XRCC5: variants seen among roughly 807,000 people sequenced by gnomAD.
XRCC5 encodes DNA repair protein Ku80.
In XRCC5, 12 loss-of-function variants were observed where a neutral mutation model predicts 95.7. The observed-to-expected ratio is 0.13, with a 90% confidence interval of 0.08 to 0.20. The LOEUF (loss-of-function observed/expected upper bound fraction) is 0.20. XRCC5 is among the 10% of genes least tolerant of loss of function. The pLI is 1.00. For synonymous variants in XRCC5, 281 were observed against 290.3 expected (o/e 0.97, Z 0.33); for missense variants, 595 against 873.9 (o/e 0.68, Z 4.02).
At chr2:216,118,233 G>C (rs958430404) in intron 4 of XRCC5, among the ~76,000 whole-genome samples, 1 of 151,176 alleles carries the variant, frequency 6.6e-6, no homozygotes. Context: ...GTGCAGTGGT[G>C]CCAATATAGC....
intron 16 of XRCC5, among the ~76,000 whole-genome samples, chr2:216,163,285 T>C (rs984249673): frequency 6.6e-6 from 1 of 152,062 alleles, no homozygotes; most frequent in Non-Finnish European, 1.5e-5. Flanking sequence ...CATGTGTAAG[T>C]CACCATGCCT....
rs148569960 is a variant in XRCC5, at chr2:216,192,744, T to G, written c.2041+9T>G. ...GGAAATTGTTGTCCAGGGTAAGTTGTCATTTGCCTTTTTTTTTAAAAAGTA... is the reference window on the plus strand; with the variant it reads ...GGAAATTGTTGTCCAGGGTAAGTTGGCATTTGCCTTTTTTTTTAAAAAGTA... On this transcript the variant is annotated intron_variant, in intron 18 of 20. Coordinates refer to ENST00000392132, the MANE Select transcript of XRCC5 (RefSeq NM_021141.4). 2 of 1,546,144 alleles carry G rather than the reference T, an allele frequency of 1.3e-6. No individual in the cohort carries two copies. The highest frequency in any genetic ancestry group is 2.8e-5 in the African/African-American group (2 of 71,776).
intron 16 of XRCC5, among the ~76,000 whole-genome samples, chr2:216,173,604 C>T (rs114303520): frequency 0.023 from 3,463 of 152,294 alleles, 65 homozygotes; most frequent in Middle Eastern, 0.037. Context: ...TTAGCTAATG[C>T]TACAGTTTGA....
Position 216,127,824 on chromosome 2 carries a change from C to A in XRCC5, c.937+150C>A, listed in dbSNP as rs182096441. 3.2e-3 allele frequency: 2,660 copies of A among 841,800 alleles called. 12 individuals carry two copies. Among genetic ancestry groups the A allele is most frequent in the Non-Finnish European group, 3.3e-3 (1,959 of 593,552 alleles). The allele number at this position is 841,800 out of a possible 1,614,324, so 52.1% of individuals were successfully genotyped here. On this transcript the variant is annotated intron_variant, in intron 8 of 20. Transcript: ENST00000392132. ...TTGAAAGGATAATGAGACCCTAGGT[C>A]CTTTAGCTCATTTGTTGGGTCTTAG...
rs566286749 is a variant in XRCC5 at position 216,172,676 on chromosome 2, G to C, written c.1834+10628G>C. 1.4e-4 allele frequency among the ~76,000 whole-genome samples: 21 copies of C among 152,028 alleles called. 1 individual carries two copies. The South Asian group carries it at 4.4e-3, about 32-fold the overall frequency. On this transcript the variant is annotated intron_variant, in intron 16 of 20. Transcript: ENST00000392132. ...AATAGAGACAGGGTTTCGCCATGTTGACCAGGCTGGTTGAACTCCTGACCT... is the reference window on the plus strand; with the variant it reads ...AATAGAGACAGGGTTTCGCCATGTTCACCAGGCTGGTTGAACTCCTGACCT...
At chr2:216,129,994 T>C (rs1696956013) in intron 8 of XRCC5, among the ~76,000 whole-genome samples, 1 of 152,144 alleles carries the variant, frequency 6.6e-6, no homozygotes, top group Non-Finnish European at 1.5e-5. Context: ...TGTTTCTTTT[T>C]AATAAAATAA....
chr2:216,150,483 G>A (rs1380759093), intron 14 of XRCC5, among the ~76,000 whole-genome samples: 2 of 152,142 alleles, frequency 1.3e-5, no homozygotes, highest in African/African-American at 2.4e-5. Flanking sequence ...GTACTTACAC[G>A]AGCCCACATG....
At chr2:216,196,942 A>AT (rs1363004157) in intron 19 of XRCC5, among the ~76,000 whole-genome samples, 1 of 152,064 alleles carries the variant, frequency 6.6e-6, no homozygotes, top group Admixed American at 6.5e-5. Flanking sequence ...CAGGAAAAAT[A>AT]TTTTTTGTCA....
intron 9 of XRCC5, 116 bp from the exon 10 acceptor site, chr2:216,132,209 T>G: frequency 1.1e-6 from 1 of 932,418 alleles, no homozygotes; most frequent in Non-Finnish European, 1.7e-6. Flanking sequence ...AAGGTGTTTT[T>G]AGTATCTGAA....
chr2:216,117,841 A>G (rs1375044421), intron 4 of XRCC5, 47 bp downstream of exon 4: 1 of 1,570,768 alleles, frequency 6.4e-7, no homozygotes, highest in African/African-American at 1.3e-5. Context: ...TTTTGCAAAA[A>G]TTGTATGGGT....
rs41296918 is a variant in XRCC5, at chr2:216,112,164, T to A, written c.22-852T>A. ...ATAAATAACTTTACATGTATTCCTT[T>A]TAGGTTATGTTTCTCTTATTTTCTT... On this transcript the variant is annotated intron_variant, in intron 1 of 20. Transcript: ENST00000392132. Among the ~76,000 whole-genome samples the A allele has an allele frequency of 4.5e-3, 691 of 152,366 alleles. 2 individuals carry two copies. The highest frequency in any genetic ancestry group is 0.016 in the African/African-American group (665 of 41,590).
chr2:216,191,126 A>G (rs1250018565), intron 17 of XRCC5, among the ~76,000 whole-genome samples: 1 of 152,242 alleles, frequency 6.6e-6, no homozygotes, highest in Non-Finnish European at 1.5e-5. Flanking sequence ...TAAAAGACAA[A>G]TTTTAGAAAA....
At position 216,122,547 on chromosome 2, in the gene XRCC5, T is replaced by A. The variant is rs574740445; in HGVS notation, c.683+294T>A. Among the ~76,000 whole-genome samples the A allele has an allele frequency of 5.9e-5, 9 of 152,062 alleles. No individual in the cohort carries two copies. The East Asian group carries it at 1.7e-3, about 29-fold the overall frequency. ...AATTGCAAAAGATGAAATAGTAGATTTCTTCATTATGCCAAGCTTGGGATA... is the reference window on the plus strand; with the variant it reads ...AATTGCAAAAGATGAAATAGTAGATATCTTCATTATGCCAAGCTTGGGATA... On this transcript the variant is annotated intron_variant, in intron 6 of 20. Transcript: ENST00000392132.
At chr2:216,111,082 T>TA (rs1028231876) in intron 1 of XRCC5, among the ~76,000 whole-genome samples, 1 of 152,216 alleles carries the variant, frequency 6.6e-6, no homozygotes, top group Admixed American at 6.5e-5. Context: ...AGAGATCACT[T>TA]AAAAAAGAGT....
Position 216,116,832 on chromosome 2 carries a change from A to T in XRCC5, c.309A>T (p.Gln103His). The T allele has an allele frequency of 5.0e-6, 8 of 1,614,074 alleles. No individual in the cohort carries two copies. The highest frequency in any genetic ancestry group is 6.8e-6 in the Non-Finnish European group (8 of 1,179,948). ...DIESKIQPGS[Q>H]QADFLDALIV... ...AAAGCAAAATCCAACCAGGTTCTCAACAGGCTGACTGTATCCTTTTTCTGC... is the reference window on the plus strand; with the variant it reads ...AAAGCAAAATCCAACCAGGTTCTCATCAGGCTGACTGTATCCTTTTTCTGC... The change falls in exon 3 of 21, where the codon CAA (glutamine) becomes CAT (histidine). Residue 103 changes from glutamine (Q) to histidine (H), a missense_variant. Gln to His is a conservative substitution (Grantham distance 24). This residue lies in a region of XRCC5 where 286 missense variants were observed against 491.1 expected (regional missense o/e 0.58). Transcript: ENST00000392132.
chr2:216,113,431 T>C (rs1696630717), intron 2 of XRCC5, among the ~76,000 whole-genome samples: 1 of 152,242 alleles, frequency 6.6e-6, no homozygotes, highest in African/African-American at 2.4e-5. Context: ...GTATCCTTGC[T>C]CTGCCATGTC....
intron 10 of XRCC5, among the ~76,000 whole-genome samples, chr2:216,134,138 T>A (rs927993906): frequency 3.3e-5 from 5 of 152,244 alleles, no homozygotes; most frequent in African/African-American, 9.6e-5. Flanking sequence ...TTATCACCAC[T>A]AGTCAGATGT....
At chr2:216,191,809 A>AT (rs1294735850) in intron 17 of XRCC5, among the ~76,000 whole-genome samples, 1 of 152,120 alleles carries the variant, frequency 6.6e-6, no homozygotes, top group Non-Finnish European at 1.5e-5. Flanking sequence ...GAAGTTACTA[A>AT]TTTTTTATGT....
At chr2:216,175,711 C>T (rs1689258628) in intron 16 of XRCC5, 1 of 434,250 alleles carries the variant, frequency 2.3e-6, no homozygotes, top group Non-Finnish European at 4.4e-6. Flanking sequence ...GTCTTTGGTT[C>T]CACTCCACAC....
Sources: gnomAD v4.1 joint callset for allele counts (sites outside exome capture counted in the v4.1 genomes callset) on GRCh38, gnomAD v4.1.1 for gene constraint, gnomAD v4.1.1 regional missense constraint, MANE v1.5 for transcripts, NCBI Gene and HGNC (gene_info 2026-07-23, HGNC 2026-07-21) for gene names.